The following TAFA2 variants were observed in gnomAD, a reference collection of about 807,000 sequenced individuals.
The protein encoded by TAFA2 is TAFA chemokine like family member 2, also known as chemokine-like protein TAFA-2.
A neutral mutation model predicts 18.8 loss-of-function variants in TAFA2; 7 were observed. That is an observed-to-expected ratio of 0.37 (90% CI 0.21 to 0.70). TAFA2 has a LOEUF of 0.70. TAFA2 is among the 30% of genes least tolerant of loss of function. The pLI is 0.53. For synonymous variants in TAFA2, 60 were observed against 54.2 expected (o/e 1.11, Z -0.47); for missense variants, 122 against 158.1 (o/e 0.77, Z 1.23).
intron 2 of TAFA2, among the ~76,000 whole-genome samples, chr12:61,825,493 A>G (rs1004561505): frequency 2.0e-5 from 3 of 152,152 alleles, no homozygotes; most frequent in African/African-American, 7.2e-5. Flanking sequence ...GAGAAAGGTA[A>G]GGGCAATAAG....
rs1373040630 is a variant in TAFA2 at position 62,225,658 on chromosome 12, CAG to C, written c.-130+33103_-130+33104del. Among the ~76,000 whole-genome samples, 7 of 151,746 alleles carry C rather than the reference CAG, an allele frequency of 4.6e-5. No homozygotes were observed. In the South Asian group the frequency reaches 6.2e-4, roughly 14 times the overall value. ...AATATTAAAGAAAAAAAATGGAAAA[CAG>C]AGAAACATCAAAGGAGACATTTTAT... On this transcript the variant is annotated intron_variant, in intron 1 of 5. Transcript: ENST00000551619.
At chr12:62,128,539 G>T (rs1870555781) in intron 1 of TAFA2, among the ~76,000 whole-genome samples, 1 of 151,910 alleles carries the variant, frequency 6.6e-6, no homozygotes, top group Non-Finnish European at 1.5e-5. Flanking sequence ...TGCTTATTTA[G>T]CCTTTTACCA....
chr12:61,967,629 G>A (rs1486520768), intron 1 of TAFA2, among the ~76,000 whole-genome samples: 3 of 151,698 alleles, frequency 2.0e-5, no homozygotes, highest in African/African-American at 4.8e-5. Flanking sequence ...AAGTTGAACC[G>A]ACTCCTTGAA....
At chr12:62,057,101 T>C (rs1882207989) in intron 1 of TAFA2, among the ~76,000 whole-genome samples, 2 of 152,332 alleles carry the variant, frequency 1.3e-5, no homozygotes, top group South Asian at 4.1e-4. Context: ...CATAATACCA[T>C]CTGAGGCTAG....
intron 1 of TAFA2, among the ~76,000 whole-genome samples, chr12:61,984,706 A>C (rs1879756850): frequency 6.6e-6 from 1 of 152,192 alleles, no homozygotes. Context: ...AATGTGCATA[A>C]ATTTCCACAT....
intron 1 of TAFA2, among the ~76,000 whole-genome samples, chr12:62,067,862 C>T (rs1044570716): frequency 6.6e-6 from 1 of 152,016 alleles, no homozygotes; most frequent in African/African-American, 2.4e-5. Flanking sequence ...AAACATCAGA[C>T]TTCACAATTA....
intron 1 of TAFA2, among the ~76,000 whole-genome samples, chr12:62,015,668 C>A (rs548894069): frequency 7.2e-5 from 11 of 152,152 alleles, no homozygotes; most frequent in South Asian, 6.2e-4. Flanking sequence ...TATAGAGAAG[C>A]AAAGTACACT....
intron 1 of TAFA2, among the ~76,000 whole-genome samples, chr12:62,184,655 C>G (rs2062574031): frequency 6.6e-6 from 1 of 151,348 alleles, no homozygotes; most frequent in South Asian, 2.1e-4. Flanking sequence ...ACACCCATGC[C>G]TGGCTAATTT....
chr12:62,157,267 AT>A (rs939325214), intron 1 of TAFA2, among the ~76,000 whole-genome samples: 13 of 151,816 alleles, frequency 8.6e-5, no homozygotes, highest in South Asian at 4.2e-4. Context: ...TGGGAAGAGG[AT>A]TTTTTTTTAT....
At chr12:61,933,687 C>A (rs571498658) in intron 1 of TAFA2, among the ~76,000 whole-genome samples, 1 of 152,296 alleles carries the variant, frequency 6.6e-6, no homozygotes, top group South Asian at 2.1e-4. Flanking sequence ...CACACCACTG[C>A]ACTCCAGCCT....
chr12:62,249,232 T>C (rs1257950026), intron 1 of TAFA2, among the ~76,000 whole-genome samples: 2 of 150,864 alleles, frequency 1.3e-5, no homozygotes, highest in Non-Finnish European at 2.9e-5. Flanking sequence ...TTTTAAATTC[T>C]TGGTAAACAA....
intron 1 of TAFA2, among the ~76,000 whole-genome samples, chr12:62,122,660 A>G (rs1473727035): frequency 6.6e-6 from 1 of 152,206 alleles, no homozygotes; most frequent in East Asian, 1.9e-4. Context: ...ACCGTACTGC[A>G]CTGCCTCTGT....
chr12:62,191,116 C>T (rs1378968948), intron 1 of TAFA2, 143 bp downstream of exon 1: 2 of 152,352 alleles, frequency 1.3e-5, no homozygotes, highest in East Asian at 3.9e-4. Context: ...CTCGCCTTCC[C>T]CGGGCGATCC....
At chr12:62,134,918 T>G (rs1159575910) in intron 1 of TAFA2, among the ~76,000 whole-genome samples, 1 of 152,032 alleles carries the variant, frequency 6.6e-6, no homozygotes, top group African/African-American at 2.4e-5. Context: ...TAACATTACC[T>G]ACTTTCTTCC....
In TAFA2 at chr12:61,851,931, G is replaced by A. The variant is rs537801762; in HGVS notation, c.106+15389C>T. On this transcript the variant is annotated intron_variant, in intron 2 of 4. Transcript: ENST00000416284. ...GACATTTTGGATAAAAGACAAGCCG[G>A]GCACGGTGGCTCACGCCTGTAATCC... is the stretch of plus-strand genomic sequence containing the variant. Among the ~76,000 whole-genome samples the A allele has an allele frequency of 4.0e-5, 6 of 151,594 alleles. No individual in the cohort carries two copies. In the South Asian group the frequency reaches 8.4e-4, roughly 21 times the overall value.
intron 1 of TAFA2, chr12:62,070,709 T>C (rs1274279439): frequency 2.0e-5 from 3 of 152,238 alleles, no homozygotes; most frequent in Non-Finnish European, 2.9e-5. Flanking sequence ...CCGAATACTT[T>C]ACCTAAAGGC....
chr12:61,998,506 A>G (rs1251835344), intron 1 of TAFA2, among the ~76,000 whole-genome samples: 1 of 152,168 alleles, frequency 6.6e-6, no homozygotes, highest in Non-Finnish European at 1.5e-5. Context: ...AAAGGCCAAC[A>G]TTTCTAACTG....
At chr12:61,856,105 A>C (rs1178676919) in intron 2 of TAFA2, among the ~76,000 whole-genome samples, 1 of 151,958 alleles carries the variant, frequency 6.6e-6, no homozygotes, top group Non-Finnish European at 1.5e-5. Flanking sequence ...TTTTGAATTC[A>C]AGGGTAAAGA....
intron 1 of TAFA2, among the ~76,000 whole-genome samples, chr12:62,094,975 C>A (rs1868884546): frequency 6.6e-6 from 1 of 152,022 alleles, no homozygotes; most frequent in African/African-American, 2.4e-5. Context: ...TTAACAAATT[C>A]TTCTAAATTG....
Sources: allele counts gnomAD v4.1 joint callset (sites outside exome capture counted in the v4.1 genomes callset), GRCh38; gene constraint gnomAD v4.1.1; transcripts MANE v1.5; gene names NCBI Gene and HGNC (gene_info 2026-07-23, HGNC 2026-07-21).